NEDD9: variants seen among roughly 807,000 people sequenced by gnomAD.
NEDD9 encodes the protein neural precursor cell expressed, developmentally down-regulated 9.
In NEDD9, 26 loss-of-function variants were observed where a neutral mutation model predicts 76.6. The observed-to-expected ratio is 0.34, with a 90% CI of 0.25 to 0.47. NEDD9 has a LOEUF of 0.47. Among genes scored for constraint, NEDD9 ranks in the 20% least tolerant of loss-of-function variants. The probability of loss-of-function intolerance (pLI) is 1.00; values close to 1 mark genes in which losing one functional copy is unlikely to be tolerated. For synonymous variants in NEDD9, 392 were observed against 414.2 expected (o/e 0.95, Z 0.65); for missense variants, 937 against 1,058.5 (o/e 0.89, Z 1.59).
chr6:11,280,776 C>T (rs539883808), intron 3 of NEDD9, among the ~76,000 whole-genome samples: 1 of 152,374 alleles, frequency 6.6e-6, no homozygotes, highest in East Asian at 1.9e-4. Flanking sequence ...GGGAGGTTTC[C>T]CTGACACTAG....
intron 3 of NEDD9, among the ~76,000 whole-genome samples, chr6:11,286,826 GA>G (rs2113368089): frequency 6.6e-6 from 1 of 152,314 alleles, no homozygotes; most frequent in Non-Finnish European, 1.5e-5. Flanking sequence ...CTGGGGGTAG[GA>G]AGCAGCAGAG....
At chr6:11,343,562 A>T (rs1287875217) in intron 1 of NEDD9, among the ~76,000 whole-genome samples, 2 of 152,104 alleles carry the variant, frequency 1.3e-5, no homozygotes, top group East Asian at 3.9e-4. Flanking sequence ...GCTTTATATT[A>T]CCTCCTAGAA....
Position 11,183,456 on chromosome 6 carries a change from A to G in NEDD9, c.*1706T>C, listed in dbSNP as rs965960532. ...AGCCATCTCCTAAGAAATACACATT[A>G]TACAATGAAATCTACAAAGACACAC... On this transcript the variant is annotated 3_prime_UTR_variant, in exon 7 of 7. Coordinates refer to ENST00000379446, the MANE Select transcript of NEDD9 (RefSeq NM_006403.4). The G allele has an allele frequency of 6.6e-6, 1 of 152,256 alleles. No individual in the cohort carries two copies. Among genetic ancestry groups the G allele is most frequent in the African/African-American group, 2.4e-5 (1 of 41,478 alleles). The allele number at this position is 152,256 out of a possible 1,614,324, so 9.4% of individuals were successfully genotyped here.
At chr6:11,325,808 T>A (rs1303080934) in intron 2 of NEDD9, among the ~76,000 whole-genome samples, 1 of 151,988 alleles carries the variant, frequency 6.6e-6, no homozygotes. Context: ...TAAAAAGGAG[T>A]CATTTTTAAT....
intron 3 of NEDD9, among the ~76,000 whole-genome samples, chr6:11,297,775 C>T (rs896030745): frequency 3.9e-5 from 6 of 152,182 alleles, no homozygotes; most frequent in African/African-American, 1.2e-4. Flanking sequence ...GTACTATTCT[C>T]ATTCTCATAT....
chr6:11,364,391 G>C (rs1262837764), intron 1 of NEDD9, among the ~76,000 whole-genome samples: 1 of 152,196 alleles, frequency 6.6e-6, no homozygotes, highest in Admixed American at 6.5e-5. Context: ...ATGTCTCTAT[G>C]ATGAATCCTG....
chr6:11,259,935 A>AACACACACAC (rs55634199), intron 3 of NEDD9, among the ~76,000 whole-genome samples: 4,181 of 142,534 alleles, frequency 0.029, 149 homozygotes, highest in African/African-American at 0.082. Context: ...CTGCGCCCTT[A>AACACACACAC]ACACACACAC....
At chr6:11,333,620 A>C (rs1279150228) in intron 2 of NEDD9, among the ~76,000 whole-genome samples, 1 of 152,168 alleles carries the variant, frequency 6.6e-6, no homozygotes, top group African/African-American at 2.4e-5. Flanking sequence ...CAGCCTGGAG[A>C]GGGACTCCCT....
chr6:11,345,628 G>C (rs1762350526), intron 1 of NEDD9, among the ~76,000 whole-genome samples: 1 of 152,146 alleles, frequency 6.6e-6, no homozygotes, highest in Admixed American at 6.5e-5. Context: ...GATGGGAACT[G>C]CTCTTAGCTC....
In NEDD9 at chr6:11,241,286, T is replaced by C. The variant is rs1379152851; in HGVS notation, c.13-27559A>G. ...TGCTAACCTTTGTGCTTCCTCTATA[T>C]GTTCTTACATTTGAAAAGTCTTCCT... On this transcript the variant is annotated intron_variant, in intron 3 of 3. Coordinates refer to the NEDD9 transcript ENST00000397378. This position sits in a 1 kb window ranked among gnomAD's most constrained non-coding sequence, Gnocchi z 4.0. 1.3e-5 allele frequency among the ~76,000 whole-genome samples: 2 copies of C among 152,208 alleles called. No homozygotes were observed. The highest frequency in any genetic ancestry group is 2.9e-5 in the Non-Finnish European group (2 of 68,032).
chr6:11,333,837 C>T (rs952885467), intron 2 of NEDD9, among the ~76,000 whole-genome samples: 2 of 152,230 alleles, frequency 1.3e-5, no homozygotes, highest in Middle Eastern at 3.2e-3. Flanking sequence ...ATGCCCTGAA[C>T]AGTGCTTATG....
At chr6:11,203,166 A>G (rs1187661022) in intron 2 of NEDD9, among the ~76,000 whole-genome samples, 1 of 152,250 alleles carries the variant, frequency 6.6e-6, no homozygotes, top group East Asian at 1.9e-4. Context: ...TCTGGGTTTC[A>G]CGAGTGGTTG....
intron 1 of NEDD9, among the ~76,000 whole-genome samples, chr6:11,354,094 CTG>C (rs1464255910): frequency 6.6e-6 from 1 of 152,188 alleles, no homozygotes; most frequent in African/African-American, 2.4e-5. Context: ...AAGCAAGCAG[CTG>C]TGTCAGAACT....
At chr6:11,375,050 A>G (rs1213214800) in intron 1 of NEDD9, among the ~76,000 whole-genome samples, 10 of 152,220 alleles carry the variant, frequency 6.6e-5, no homozygotes, top group Admixed American at 1.3e-4. Context: ...CTGCTCAAGT[A>G]GTTTGTGCAT....
intron 3 of NEDD9, chr6:11,249,024 T>C (rs2113302412): frequency 2.3e-6 from 1 of 426,556 alleles, no homozygotes; most frequent in Non-Finnish European, 4.7e-6. Context: ...CTCACCAGTT[T>C]TCATCCCCAT....
At chr6:11,366,389 A>G (rs1351711737) in intron 1 of NEDD9, among the ~76,000 whole-genome samples, 1 of 147,010 alleles carries the variant, frequency 6.8e-6, no homozygotes, top group Non-Finnish European at 1.5e-5. Flanking sequence ...CAAGACAGAG[A>G]GAGAGAGAAA....
intron 1 of NEDD9, among the ~76,000 whole-genome samples, chr6:11,368,374 A>G (rs1422781801): frequency 6.6e-6 from 1 of 152,244 alleles, no homozygotes; most frequent in Non-Finnish European, 1.5e-5. Context: ...GAGTAATACA[A>G]TGAATCTTTC....
intron 3 of NEDD9, among the ~76,000 whole-genome samples, chr6:11,279,863 G>A (rs554013631): frequency 8.5e-4 from 129 of 152,226 alleles, no homozygotes; most frequent in African/African-American, 3.0e-3. Flanking sequence ...GCACTGTTTT[G>A]CGTTATCTTA....
intron 3 of NEDD9, among the ~76,000 whole-genome samples, chr6:11,247,195 C>A (rs549795753): frequency 6.6e-6 from 1 of 152,152 alleles, no homozygotes; most frequent in Non-Finnish European, 1.5e-5. Flanking sequence ...TCTTCCAGTC[C>A]ATTCTTTCCT....
Sources: gnomAD v4.1 joint callset for allele counts (sites outside exome capture counted in the v4.1 genomes callset) on GRCh38, gnomAD v4.1.1 for gene constraint, Gnocchi (gnomAD v3.1) non-coding constraint, MANE v1.5 for transcripts, NCBI Gene and HGNC (gene_info 2026-07-23, HGNC 2026-07-21) for gene names.